RUNX2: variants seen among roughly 807,000 people sequenced by gnomAD.
RUNX2 encodes RUNX family transcription factor 2.
RUNX2 carries 10 observed loss-of-function variants against 51.7 expected under a neutral mutation model. The ratio of observed to expected loss-of-function variants is 0.19; its 90% CI spans 0.12 to 0.33. The LOEUF (loss-of-function observed/expected upper bound fraction) is 0.33. Ranked by LOEUF, RUNX2 falls within the 10% of genes least tolerant of loss-of-function variation. The pLI, the probability that RUNX2 is intolerant of heterozygous loss-of-function variation, is 1.00. For synonymous variants in RUNX2, 276 were observed against 273.6 expected, an observed-to-expected ratio of 1.01 and a Z score of -0.09; for missense variants, 562 against 691.3, an observed-to-expected ratio of 0.81 and a Z score of 2.10.
At chr6:45,446,454 A>G (rs1051048560) in intron 5 of RUNX2, among the ~76,000 whole-genome samples, 2 of 151,906 alleles carry the variant, frequency 1.3e-5, no homozygotes, top group African/African-American at 4.8e-5. Flanking sequence ...GGGACTTGAC[A>G]GGGACTTGAG....
intron 7 of RUNX2, among the ~76,000 whole-genome samples, chr6:45,534,754 CA>C (rs1166888121): frequency 6.6e-6 from 1 of 152,188 alleles, no homozygotes; most frequent in African/African-American, 2.4e-5. Context: ...CAGTGAAAGA[CA>C]AGGATTTAGG....
intron 7 of RUNX2, among the ~76,000 whole-genome samples, chr6:45,512,931 A>T (rs2150421860): frequency 6.6e-6 from 1 of 152,284 alleles, no homozygotes; most frequent in African/African-American, 2.4e-5. Context: ...ATCTTAAAAG[A>T]CAATGCGTGG....
At chr6:45,410,548 A>C (rs143811351) in intron 2 of RUNX2, among the ~76,000 whole-genome samples, 6 of 152,306 alleles carry the variant, frequency 3.9e-5, no homozygotes, top group African/African-American at 1.4e-4. Flanking sequence ...TGTGGGGGCT[A>C]TCTAGGGATA....
chr6:45,334,864 G>A (rs1788246692), intron 2 of RUNX2, among the ~76,000 whole-genome samples: 1 of 151,160 alleles, frequency 6.6e-6, no homozygotes, highest in Non-Finnish European at 1.5e-5. Context: ...TATAAAACCA[G>A]TAACAGGGAT....
chr6:45,328,737 A>G lies in RUNX2; in HGVS notation c.11A>G (p.Asn4Ser). ...AAAAAAGGAGGGACTATGGCATCAA[A>G]CAGCCTCTTCAGCACAGTGACACCA... Reference protein sequence around the residue: MASNSLFSTVTPCQ... With the variant: MASSSLFSTVTPCQ... Residue 4 changes from asparagine to serine, a missense_variant, in exon 2 of 9, where the codon AAC becomes AGC. Physicochemically the swap from Asn to Ser is conservative, Grantham distance 46. This residue lies in a region of RUNX2 where 153 missense variants were observed against 144.8 expected (regional missense o/e 1.06). Transcript: ENST00000647337. The G allele has an allele frequency of 6.2e-7, 1 of 1,612,276 alleles. No individual in the cohort carries two copies. Among genetic ancestry groups the G allele is most frequent in the Non-Finnish European group, 8.5e-7 (1 of 1,178,766 alleles).
chr6:45,432,819 T>C (rs1050778174), intron 4 of RUNX2, among the ~76,000 whole-genome samples: 4 of 152,214 alleles, frequency 2.6e-5, no homozygotes, highest in African/African-American at 7.2e-5. Flanking sequence ...TACTAGTTAC[T>C]CACTATTAGA....
intron 7 of RUNX2, among the ~76,000 whole-genome samples, chr6:45,532,162 ATTTT>A (rs3055521): frequency 3.6e-4 from 31 of 85,120 alleles, no homozygotes; most frequent in African/African-American, 1.3e-3. Flanking sequence ...GAAAACCTAG[ATTTT>A]TTTTTTTTTT....
intron 2 of RUNX2, among the ~76,000 whole-genome samples, chr6:45,340,612 C>T (rs1451858735): frequency 1.3e-5 from 2 of 152,014 alleles, no homozygotes; most frequent in African/African-American, 4.8e-5. Context: ...GCATAAGCCA[C>T]CGCACCTGGC....
chr6:45,404,084 A>C (rs1405817036), intron 2 of RUNX2, among the ~76,000 whole-genome samples: 2 of 151,828 alleles, frequency 1.3e-5, no homozygotes, highest in Non-Finnish European at 2.9e-5. Context: ...ATATGGTGAA[A>C]CCGTACCTCT....
Position 45,370,188 on chromosome 6 carries a change from G to A in RUNX2, c.58+41404G>A, listed in dbSNP as rs551137819. 2.6e-5 allele frequency among the ~76,000 whole-genome samples: 4 copies of A among 152,332 alleles called. No individual in the cohort carries two copies. In the East Asian group the frequency reaches 7.7e-4, roughly 29 times the overall value. On this transcript the variant is annotated intron_variant, in intron 2 of 8. Transcript: ENST00000647337. ...TATTGAGGTTGTGCAGACAAGAGATGACAGTGGGTTGAATTAGTTTAACAA... is the reference window on the plus strand; with the variant it reads ...TATTGAGGTTGTGCAGACAAGAGATAACAGTGGGTTGAATTAGTTTAACAA...
At chr6:45,534,853 A>C (rs1398837100) in intron 7 of RUNX2, among the ~76,000 whole-genome samples, 1 of 152,226 alleles carries the variant, frequency 6.6e-6, no homozygotes, top group African/African-American at 2.4e-5. Flanking sequence ...TGGTGTGTTT[A>C]AAGATAAATA....
At chr6:45,385,644 A>G (rs1025579692) in intron 2 of RUNX2, among the ~76,000 whole-genome samples, 1 of 152,242 alleles carries the variant, frequency 6.6e-6, no homozygotes, top group Admixed American at 6.5e-5. Context: ...TCAAACCTAT[A>G]ATCCCAGCAC....
intron 5 of RUNX2, among the ~76,000 whole-genome samples, chr6:45,476,062 G>T (rs192531747): frequency 6.6e-6 from 1 of 152,316 alleles, no homozygotes; most frequent in East Asian, 1.9e-4. Flanking sequence ...AGTTAAGTTT[G>T]CAGCTCTATA....
At chr6:45,379,730 G>C (rs1361662000) in intron 2 of RUNX2, among the ~76,000 whole-genome samples, 2 of 152,150 alleles carry the variant, frequency 1.3e-5, no homozygotes, top group Non-Finnish European at 2.9e-5. Flanking sequence ...TCCGGGCGTG[G>C]TGGCACGTGC....
intron 6 of RUNX2, 137 bp from the exon 7 acceptor site, chr6:45,512,109 C>A (rs1470277887): frequency 2.8e-6 from 2 of 719,898 alleles, no homozygotes; most frequent in Non-Finnish European, 4.6e-6. Flanking sequence ...ATAGCCATTC[C>A]TTATATATTA....
intron 5 of RUNX2, among the ~76,000 whole-genome samples, chr6:45,491,355 C>T (rs1800459446): frequency 6.6e-6 from 1 of 152,142 alleles, no homozygotes; most frequent in Admixed American, 6.5e-5. Context: ...AGTTTCCCTG[C>T]TTACATTTCT....
intron 6 of RUNX2, among the ~76,000 whole-genome samples, chr6:45,502,782 A>G (rs1800836810): frequency 6.6e-6 from 1 of 152,172 alleles, no homozygotes; most frequent in African/African-American, 2.4e-5. Context: ...TTAAAAATGC[A>G]TGTCTGATTA....
chr6:45,367,351 C>G (rs903929829), intron 2 of RUNX2, among the ~76,000 whole-genome samples: 3 of 151,956 alleles, frequency 2.0e-5, no homozygotes, highest in Non-Finnish European at 2.9e-5. Flanking sequence ...AAGACCATCG[C>G]TTTTTTTAAG....
intron 2 of RUNX2, among the ~76,000 whole-genome samples, chr6:45,388,346 A>T (rs750290497): frequency 1.3e-5 from 2 of 152,222 alleles, no homozygotes; most frequent in Non-Finnish European, 2.9e-5. Context: ...TTGTTGCCAC[A>T]CTATGAGGAA....
Sources: gnomAD v4.1 joint callset for allele counts (sites outside exome capture counted in the v4.1 genomes callset) on GRCh38, gnomAD v4.1.1 for gene constraint, gnomAD v4.1.1 regional missense constraint, MANE v1.5 for transcripts, NCBI Gene and HGNC (gene_info 2026-07-23, HGNC 2026-07-21) for gene names.